MED13: variants seen among roughly 807,000 people sequenced by gnomAD.
The protein encoded by MED13 is mediator complex subunit 13.
A neutral mutation model predicts 225.2 loss-of-function variants in MED13; 23 were observed. The observed-to-expected ratio is 0.10, with a 90% CI of 0.07 to 0.14. MED13 has a LOEUF of 0.14. Among genes scored for constraint, MED13 ranks in the 10% least tolerant of loss-of-function variants. The pLI is 1.00. For synonymous variants in MED13, 942 were observed against 889.2 expected (o/e 1.06, Z -1.06); for missense variants, 2,197 against 2,594.5 (o/e 0.85, Z 3.33).
At chr17:61,955,872 A>C in intron 24 of MED13, 34 bp from the exon 25 acceptor site, 1 of 1,504,708 alleles carries the variant, frequency 6.6e-7, no homozygotes, top group East Asian at 2.4e-5. Flanking sequence ...AAAAAAAAAA[A>C]AAAAAAAAAT....
At chr17:62,064,764 G>A (rs1324666151) in intron 1 of MED13, among the ~76,000 whole-genome samples, 1 of 152,134 alleles carries the variant, frequency 6.6e-6, no homozygotes, top group Admixed American at 6.5e-5. Context: ...AGGCGGTGGG[G>A]AGCAGGGGCA....
chr17:62,055,771 G>T (rs1024775190), intron 2 of MED13, among the ~76,000 whole-genome samples: 1 of 151,838 alleles, frequency 6.6e-6, no homozygotes. Flanking sequence ...GCAGTAAACC[G>T]AGATCACGCC....
chr17:62,021,241 C>T (rs2080641011), intron 8 of MED13, among the ~76,000 whole-genome samples: 1 of 150,976 alleles, frequency 6.6e-6, no homozygotes, highest in Non-Finnish European at 1.5e-5. Flanking sequence ...GGCAGAGGGG[C>T]TCCTCACTTC....
At chr17:62,046,832 T>C (rs933840139) in intron 3 of MED13, among the ~76,000 whole-genome samples, 13 of 151,188 alleles carry the variant, frequency 8.6e-5, no homozygotes, top group African/African-American at 2.9e-4. Flanking sequence ...TAAGAGACCT[T>C]ATCTCAAAAA....
chr17:62,049,456 T>C (rs2080934611), intron 3 of MED13, among the ~76,000 whole-genome samples: 1 of 152,120 alleles, frequency 6.6e-6, no homozygotes, highest in Non-Finnish European at 1.5e-5. Context: ...AACTCTGCTC[T>C]AGTGTGAAAG....
intron 3 of MED13, among the ~76,000 whole-genome samples, chr17:62,049,078 C>CAAAAAA (rs890393330): frequency 7.3e-4 from 33 of 45,314 alleles, no homozygotes; most frequent in African/African-American, 1.8e-3. Context: ...GTAAATAAGA[C>CAAAAAA]AAAAAAAAAA....
intron 16 of MED13, among the ~76,000 whole-genome samples, chr17:61,973,565 GC>G (rs2080127530): frequency 6.6e-6 from 1 of 152,072 alleles, no homozygotes; most frequent in Non-Finnish European, 1.5e-5. Context: ...AATAAATGTG[GC>G]CCCCAGAATG....
chr17:62,001,441 A>G (rs2080394185), intron 9 of MED13, among the ~76,000 whole-genome samples: 1 of 152,182 alleles, frequency 6.6e-6, no homozygotes. Context: ...TTTCAATAAC[A>G]TTACTTGGTG....
In MED13 at chr17:61,984,807, C is replaced by T; in HGVS notation, c.2535G>A (p.Met845Ile). ...TATTCATATTCATTGGGGAAAATCC[C>T]ATAATATGTTGTTCCAATGATGGTG... ...PTPPSLEQHI[M>I]GFSPMNMNNK... Residue 845 changes from methionine (M) to isoleucine (I), a missense_variant, in exon 14 of 30, where the codon ATG becomes ATA. Physicochemically the swap from Met to Ile is conservative, Grantham distance 10 (BLOSUM62 1). This residue lies in a region of MED13 where 160 missense variants were observed against 184.8 expected (regional missense o/e 0.87). Transcript: ENST00000397786. The T allele has an allele frequency of 6.2e-7, 1 of 1,613,480 alleles. No homozygotes were observed.
At chr17:62,034,449 T>G (rs930906296) in intron 4 of MED13, among the ~76,000 whole-genome samples, 2 of 146,582 alleles carry the variant, frequency 1.4e-5, no homozygotes, top group Non-Finnish European at 3.0e-5. Context: ...ATGGCACCAC[T>G]GCACTCTAGC....
At chr17:61,956,577 C>T (rs1390141554) in intron 23 of MED13, 96 bp from the exon 24 acceptor site, 35 of 1,289,098 alleles carry the variant, frequency 2.7e-5, no homozygotes, top group Non-Finnish European at 3.8e-5. Context: ...CTCTGTCACC[C>T]AGGCTGGATG....
chr17:62,006,589 C>T (rs2080451038), intron 9 of MED13: 1 of 151,542 alleles, frequency 6.6e-6, no homozygotes, highest in African/African-American at 2.5e-5. Context: ...TACCTATATA[C>T]AACATTTCCA....
intron 11 of MED13, among the ~76,000 whole-genome samples, chr17:61,990,143 G>T (rs2080282733): frequency 6.6e-6 from 1 of 152,084 alleles, no homozygotes; most frequent in Admixed American, 6.6e-5. Flanking sequence ...AATGGATTTT[G>T]CTGTACATCA....
chr17:62,038,783 C>T (rs2080827807), intron 3 of MED13, among the ~76,000 whole-genome samples: 1 of 152,050 alleles, frequency 6.6e-6, no homozygotes, highest in Non-Finnish European at 1.5e-5. Context: ...CCCATCTCAC[C>T]CTCTTGAGTA....
At position 61,965,108 on chromosome 17, in the gene MED13, C is replaced by T. The variant is rs1417295995; in HGVS notation, c.4742G>A (p.Ser1581Asn). The T allele has an allele frequency of 6.2e-7, 1 of 1,614,230 alleles. No individual in the cohort carries two copies. The highest frequency in any genetic ancestry group is 1.7e-5 in the Admixed American group (1 of 60,024). The change falls in exon 20 of 30, where the codon AGT becomes AAT. Residue 1581 changes from serine (S) to asparagine (N), a missense_variant. By Grantham distance (46) the Ser-to-Asn change is conservative. Around this residue, in one of 12 missense-constraint regions of MED13, gnomAD observed 457 missense variants for 442.2 expected, o/e 1.03. Transcript: ENST00000397786. ...TGTCTGTTGCCCTCCTAGCTGACCACTCTGAACTGTATTTGCTTGTGTAGA... is the reference window on the plus strand; with the variant it reads ...TGTCTGTTGCCCTCCTAGCTGACCATTCTGAACTGTATTTGCTTGTGTAGA... ...SMSTQANTVQ[S>N]GQLGGQQTSA...
chr17:62,049,586 G>GA (rs200927971), intron 3 of MED13, among the ~76,000 whole-genome samples: 1 of 151,778 alleles, frequency 6.6e-6, no homozygotes, highest in Non-Finnish European at 1.5e-5. Flanking sequence ...ATAATTAAGT[G>GA]AAAAAAAGGG....
chr17:62,000,033 G>A (rs1489348686), intron 9 of MED13, among the ~76,000 whole-genome samples: 1 of 152,134 alleles, frequency 6.6e-6, no homozygotes. Context: ...TCATGCCACT[G>A]CACCATAGCC....
At chr17:61,999,858 A>C (rs1174474356) in intron 9 of MED13, among the ~76,000 whole-genome samples, 1 of 152,082 alleles carries the variant, frequency 6.6e-6, no homozygotes, top group East Asian at 1.9e-4. Context: ...GGAGTTCAAG[A>C]CCAGCCTGGA....
chr17:61,946,588 T>C lies in MED13; in HGVS notation c.6405A>G (p.Glu2135=). The change falls in exon 30 of 30, where the codon GAA becomes GAG. Residue 2135 remains glutamate (E), a synonymous_variant. Transcript: ENST00000397786. ...TTAGCCAGGAGAGTGCATTGTACTGTTCCAAAACAAACCTGAAAAGCAAAT... is the reference window on the plus strand; with the variant it reads ...TTAGCCAGGAGAGTGCATTGTACTGCTCCAAAACAAACCTGAAAAGCAAAT... The part of the protein sequence containing the change: ...QTSDVLRFVL[E]QYNALSWLTC... The C allele has an allele frequency of 6.2e-7, 1 of 1,610,664 alleles. No homozygotes were observed. Among genetic ancestry groups the C allele is most frequent in the South Asian group, 1.1e-5 (1 of 90,256 alleles).
Sources: allele counts gnomAD v4.1 joint callset (sites outside exome capture counted in the v4.1 genomes callset), GRCh38; gene constraint gnomAD v4.1.1; regional missense constraint gnomAD v4.1.1; transcripts MANE v1.5; gene names NCBI Gene and HGNC (gene_info 2026-07-23, HGNC 2026-07-21).